RAPGEF2: variants seen among roughly 807,000 people sequenced by gnomAD.
The protein encoded by RAPGEF2 is PDZ domain containing guanine nucleotide exchange factor (GEF) 1.
RAPGEF2 carries 54 observed loss-of-function variants against 186.7 expected under a neutral mutation model. That is an observed-to-expected ratio of 0.29 (90% CI 0.23 to 0.36). RAPGEF2 has a LOEUF of 0.36. Ranked by LOEUF, RAPGEF2 falls within the 10% of genes least tolerant of loss-of-function variation. The probability of loss-of-function intolerance (pLI) is 1.00; values close to 1 mark genes in which losing one functional copy is unlikely to be tolerated. For synonymous variants in RAPGEF2, 712 were observed against 705.9 expected (o/e 1.01, Z -0.14); for missense variants, 1,532 against 2,045.0 (o/e 0.75, Z 4.84).
chr4:159,254,554 A>G (rs574235932), intron 7 of RAPGEF2, among the ~76,000 whole-genome samples: 22 of 148,220 alleles, frequency 1.5e-4, no homozygotes, highest in Non-Finnish European at 3.1e-4. Context: ...GGCGTATGCT[A>G]TTGTGGATGC....
intron 1 of RAPGEF2, among the ~76,000 whole-genome samples, chr4:159,120,124 A>G (rs1315710574): frequency 2.6e-5 from 4 of 152,064 alleles, no homozygotes; most frequent in Admixed American, 1.3e-4. Context: ...GGTTCAGGCA[A>G]TTCTCGTGTC....
At chr4:159,189,450 C>T (rs1309631432) in intron 2 of RAPGEF2, among the ~76,000 whole-genome samples, 1 of 150,134 alleles carries the variant, frequency 6.7e-6, no homozygotes, top group Non-Finnish European at 1.5e-5. Flanking sequence ...AGGCAAGAAG[C>T]AGCATATTTG....
chr4:159,287,497 C>A (rs1465270868), intron 7 of RAPGEF2, among the ~76,000 whole-genome samples: 2 of 152,000 alleles, frequency 1.3e-5, no homozygotes, highest in Non-Finnish European at 2.9e-5. Context: ...TGCCAAAAAT[C>A]ACGTAAAGCT....
At chr4:159,191,956 G>C (rs746137934) in intron 2 of RAPGEF2, among the ~76,000 whole-genome samples, 76 of 152,196 alleles carry the variant, frequency 5.0e-4, no homozygotes, top group Non-Finnish European at 9.9e-4. Context: ...GCAGGAGCAC[G>C]GGGTCTTACA....
intron 7 of RAPGEF2, among the ~76,000 whole-genome samples, chr4:159,248,671 TCAGG>T: frequency 6.6e-6 from 1 of 152,236 alleles, no homozygotes; most frequent in African/African-American, 2.4e-5. Context: ...GCAGTTACAA[TCAGG>T]TATTTACGTT....
chr4:159,141,792 A>G (rs1226398221), intron 1 of RAPGEF2, among the ~76,000 whole-genome samples: 4 of 152,182 alleles, frequency 2.6e-5, no homozygotes, highest in African/African-American at 9.7e-5. Context: ...ATTCTGAGTG[A>G]GGCTGAACAT....
At chr4:159,269,696 A>G (rs1757868879) in intron 7 of RAPGEF2, among the ~76,000 whole-genome samples, 1 of 152,142 alleles carries the variant, frequency 6.6e-6, no homozygotes, top group East Asian at 1.9e-4. Flanking sequence ...TAAATGAATA[A>G]TAATATAAAT....
At chr4:159,269,633 C>G (rs754462384) in intron 7 of RAPGEF2, among the ~76,000 whole-genome samples, 2 of 152,014 alleles carry the variant, frequency 1.3e-5, no homozygotes, top group Non-Finnish European at 2.9e-5. Context: ...TTTTACTTAC[C>G]TTTTTCATAT....
intron 1 of RAPGEF2, among the ~76,000 whole-genome samples, chr4:159,147,384 G>T (rs34638772): frequency 0.26 from 38,392 of 148,528 alleles, 5,182 homozygotes; most frequent in Non-Finnish European, 0.32. Flanking sequence ...TTTTTTTTTT[G>T]GTTTATTAAA....
intron 1 of RAPGEF2, among the ~76,000 whole-genome samples, chr4:159,128,290 T>G (rs1027509026): frequency 7.9e-5 from 12 of 152,186 alleles, no homozygotes; most frequent in African/African-American, 2.9e-4. Flanking sequence ...TGTATCCAGT[T>G]ACTCTCCACG....
chr4:159,214,478 T>C lies in RAPGEF2; in HGVS notation c.281+3895T>C, dbSNP rs546530435. ...GCTTTATGCTATTGTACCTAATGGA[T>C]AGGAAAACATTGACAATTTTCATTG... On this transcript the variant is annotated intron_variant, in intron 4 of 29. Transcript: ENST00000691494. 1.2e-4 allele frequency among the ~76,000 whole-genome samples: 19 copies of C among 152,052 alleles called. No individual in the cohort carries two copies. In the East Asian group the frequency reaches 3.7e-3, roughly 29 times the overall value.
chr4:159,173,792 A>G (rs915018571), intron 1 of RAPGEF2, among the ~76,000 whole-genome samples: 1 of 152,196 alleles, frequency 6.6e-6, no homozygotes, highest in Non-Finnish European at 1.5e-5. Context: ...TGTTAAATGT[A>G]ATCATTCACA....
intron 28 of RAPGEF2, 110 bp from the exon 29 acceptor site, chr4:159,355,743 C>G: frequency 9.4e-7 from 1 of 1,059,904 alleles, no homozygotes; most frequent in Non-Finnish European, 1.4e-6. Context: ...CATGCAAATG[C>G]ACATCTGCTG....
At chr4:159,356,728 C>G (rs1732064729) in intron 29 of RAPGEF2, among the ~76,000 whole-genome samples, 1 of 151,662 alleles carries the variant, frequency 6.6e-6, no homozygotes, top group Non-Finnish European at 1.5e-5. Flanking sequence ...TAGTGAAACC[C>G]TGTCTCTACT....
intron 10 of RAPGEF2, 76 bp downstream of exon 10, chr4:159,322,559 T>G: frequency 2.3e-6 from 3 of 1,284,238 alleles, no homozygotes; most frequent in Admixed American, 4.0e-5. Context: ...AAAACCCCAA[T>G]TCTTACTTTT....
chr4:159,235,860 T>C lies in RAPGEF2; in HGVS notation c.282-2949T>C, dbSNP rs535875417. Among the ~76,000 whole-genome samples, 6 of 152,360 alleles carry C rather than the reference T, an allele frequency of 3.9e-5. No homozygotes were observed. The South Asian group carries it at 1.0e-3, about 26-fold the overall frequency. On this transcript the variant is annotated intron_variant, in intron 4 of 29. Transcript: ENST00000691494. ...TTAATTTCTAGCTAACATTTTTTTT[T>C]CCATTGCTTTGTCTGTTTCTTCCAA...
chr4:159,220,413 A>T (rs1443453398), intron 4 of RAPGEF2, among the ~76,000 whole-genome samples: 5 of 152,180 alleles, frequency 3.3e-5, no homozygotes, highest in Non-Finnish European at 1.5e-5. Context: ...GAGCAAAAGC[A>T]CTTCATGCTC....
chr4:159,152,433 T>A (rs1449577028), intron 1 of RAPGEF2, among the ~76,000 whole-genome samples: 2 of 152,238 alleles, frequency 1.3e-5, no homozygotes, highest in African/African-American at 2.4e-5. Context: ...ATCTATGAAA[T>A]TCTTTTGCAT....
chr4:159,280,387 G>A (rs1294409203), intron 7 of RAPGEF2, among the ~76,000 whole-genome samples: 2 of 152,202 alleles, frequency 1.3e-5, no homozygotes, highest in Non-Finnish European at 2.9e-5. Flanking sequence ...CCACAACGGA[G>A]CACCCTGAAA....
Sources: gnomAD v4.1 joint callset for allele counts (sites outside exome capture counted in the v4.1 genomes callset) on GRCh38, gnomAD v4.1.1 for gene constraint, MANE v1.5 for transcripts, NCBI Gene and HGNC (gene_info 2026-07-23, HGNC 2026-07-21) for gene names.